NR5A2: variants seen among roughly 807,000 people sequenced by gnomAD.
NR5A2 encodes CYP7A promoter-binding factor.
In NR5A2, 26 loss-of-function variants were observed where a neutral mutation model predicts 62.7. The ratio of observed to expected loss-of-function variants is 0.41; its 90% confidence interval spans 0.30 to 0.58. The LOEUF (loss-of-function observed/expected upper bound fraction) is 0.58. NR5A2 is among the 20% of genes least tolerant of loss of function. The probability of loss-of-function intolerance (pLI) is 0.22; values close to 1 mark genes in which losing one functional copy is unlikely to be tolerated. For synonymous variants in NR5A2, 246 were observed against 241.7 expected (o/e 1.02, Z -0.16); for missense variants, 541 against 669.1 (o/e 0.81, Z 2.11).
chr1:200,158,073 C>T (rs549493859), intron 7 of NR5A2, among the ~76,000 whole-genome samples: 1 of 152,238 alleles, frequency 6.6e-6, no homozygotes, highest in South Asian at 2.1e-4. Flanking sequence ...ATAGAATGTA[C>T]CAAGTACAAT....
At chr1:200,135,195 G>T (rs1224790684) in intron 7 of NR5A2, among the ~76,000 whole-genome samples, 1 of 152,186 alleles carries the variant, frequency 6.6e-6, no homozygotes, top group Admixed American at 6.6e-5. Flanking sequence ...TCACTCACAG[G>T]CAAGGAAGTC....
intron 5 of NR5A2, among the ~76,000 whole-genome samples, chr1:200,091,124 T>A (rs190172250): frequency 1.3e-3 from 204 of 152,306 alleles, no homozygotes; most frequent in Non-Finnish European, 2.2e-3. Flanking sequence ...ACTGGAGTTA[T>A]TGCTTTAACG....
chr1:200,139,465 A>T (rs1170000263), intron 7 of NR5A2, among the ~76,000 whole-genome samples: 1 of 152,214 alleles, frequency 6.6e-6, no homozygotes, highest in Non-Finnish European at 1.5e-5. Flanking sequence ...AAATGACTTG[A>T]TATGAAAAGT....
chr1:200,085,673 A>AAAAG (rs1553270186), intron 5 of NR5A2, among the ~76,000 whole-genome samples: 1,833 of 114,306 alleles, frequency 0.016, 41 homozygotes, highest in African/African-American at 0.056. Flanking sequence ...AAAAAAAAAA[A>AAAAG]AAAAGAAAAG....
At chr1:200,089,160 A>G (rs961301187) in intron 5 of NR5A2, among the ~76,000 whole-genome samples, 5 of 152,138 alleles carry the variant, frequency 3.3e-5, no homozygotes, top group African/African-American at 9.7e-5. Flanking sequence ...AACATAAATG[A>G]TCATCACCTC....
At chr1:200,130,371 G>A (rs554552902) in intron 7 of NR5A2, among the ~76,000 whole-genome samples, 2 of 151,462 alleles carry the variant, frequency 1.3e-5, no homozygotes, top group African/African-American at 4.8e-5. Context: ...AATTGTGTTT[G>A]CAGTGCCTAA....
At chr1:200,078,391 G>A (rs1005975834) in intron 5 of NR5A2, among the ~76,000 whole-genome samples, 30 of 152,282 alleles carry the variant, frequency 2.0e-4, no homozygotes, top group Admixed American at 2.0e-3. Context: ...ATTGTTTGTA[G>A]TTATTTTAAT....
rs992239683 is a variant in NR5A2, at chr1:200,174,256, G to T, written c.*46G>T. ...TGCTTTCAAAACAAAAAGAGATTGG[G>T]GGAGTGGGGAGGGGGAAGAAGAACA... is the stretch of plus-strand genomic sequence containing the variant. On this transcript the variant is annotated 3_prime_UTR_variant, in exon 8 of 8. Transcript: ENST00000367362. The T allele has an allele frequency of 2.0e-6, 3 of 1,472,772 alleles. No individual in the cohort carries two copies. The highest frequency in any genetic ancestry group is 1.8e-4 in the Middle Eastern group (1 of 5,508). The allele number at this position is 1,472,772 out of a possible 1,614,324, so 91.2% of individuals were successfully genotyped here.
intron 5 of NR5A2, among the ~76,000 whole-genome samples, chr1:200,078,826 C>A (rs1169918174): frequency 2.6e-5 from 4 of 152,128 alleles, no homozygotes; most frequent in Admixed American, 6.5e-5. Context: ...ATTTACTTAA[C>A]CACTTCTTTG....
intron 6 of NR5A2, among the ~76,000 whole-genome samples, chr1:200,115,563 C>T (rs1424865460): frequency 6.6e-6 from 1 of 152,074 alleles, no homozygotes; most frequent in Non-Finnish European, 1.5e-5. Flanking sequence ...CTTCTGATGG[C>T]CTGATAAATG....
At chr1:200,052,443 C>G (rs528565056) in intron 5 of NR5A2, among the ~76,000 whole-genome samples, 1 of 152,180 alleles carries the variant, frequency 6.6e-6, no homozygotes, top group Non-Finnish European at 1.5e-5. Flanking sequence ...GCCTTGGCCT[C>G]CTGAAGTGCT....
intron 5 of NR5A2, among the ~76,000 whole-genome samples, chr1:200,095,170 G>C (rs538156317): frequency 6.6e-6 from 1 of 151,428 alleles, no homozygotes; most frequent in East Asian, 1.9e-4. Flanking sequence ...GGGCTGGAGT[G>C]CAGTGGTATA....
chr1:200,106,061 C>CCTCTGTTTTTTTTTTTTTTTTT (rs373033375), intron 5 of NR5A2, among the ~76,000 whole-genome samples: 1 of 115,060 alleles, frequency 8.7e-6, no homozygotes, highest in Non-Finnish European at 1.9e-5. Context: ...CAGATTCACT[C>CCTCTGTTTTTTTTTTTTTTTTT]TTCTTTTTTT....
At chr1:200,160,950 T>G (rs894247945) in intron 7 of NR5A2, among the ~76,000 whole-genome samples, 10 of 150,244 alleles carry the variant, frequency 6.7e-5, no homozygotes, top group African/African-American at 2.5e-4. Context: ...AAATACAAAG[T>G]GATGCTCAAA....
intron 1 of NR5A2, among the ~76,000 whole-genome samples, chr1:200,032,012 G>A (rs1286418160): frequency 6.6e-6 from 1 of 152,170 alleles, no homozygotes; most frequent in Non-Finnish European, 1.5e-5. Flanking sequence ...ATTCAGCCTT[G>A]AGCATAAGTT....
At chr1:200,042,529 T>G in intron 2 of NR5A2, among the ~76,000 whole-genome samples, 1 of 152,278 alleles carries the variant, frequency 6.6e-6, no homozygotes, top group East Asian at 1.9e-4. Flanking sequence ...TGGCTTTCCA[T>G]CCCCCACCTG....
At chr1:200,156,632 C>T (rs941368721) in intron 7 of NR5A2, among the ~76,000 whole-genome samples, 12 of 151,886 alleles carry the variant, frequency 7.9e-5, no homozygotes, top group African/African-American at 2.4e-4. Context: ...CTCCTGACCT[C>T]GTGATCCACC....
intron 2 of NR5A2, among the ~76,000 whole-genome samples, chr1:200,042,045 A>G (rs2102151015): frequency 6.6e-6 from 1 of 152,312 alleles, no homozygotes; most frequent in South Asian, 2.1e-4. Flanking sequence ...GCTATAAAGG[A>G]ATTTCTGAAC....
chr1:200,097,753 G>GAGGGTGTAGGC (rs1181409005), intron 5 of NR5A2, among the ~76,000 whole-genome samples: 1 of 152,202 alleles, frequency 6.6e-6, no homozygotes, highest in Non-Finnish European at 1.5e-5. Context: ...CTTAGGAAGG[G>GAGGGTGTAGGC]AGTGTGTAGG....
Sources: allele counts gnomAD v4.1 joint callset (sites outside exome capture counted in the v4.1 genomes callset), GRCh38; gene constraint gnomAD v4.1.1; transcripts MANE v1.5; gene names NCBI Gene and HGNC (gene_info 2026-07-23, HGNC 2026-07-21).